The following JAKMIP1 variants were observed in gnomAD, a reference collection of about 807,000 sequenced individuals.
The protein encoded by JAKMIP1 is janus kinase and microtubule-interacting protein 1.
A neutral mutation model predicts 113.0 loss-of-function variants in JAKMIP1; 33 were observed. That is an observed-to-expected ratio of 0.29 (90% CI 0.22 to 0.39). The LOEUF (loss-of-function observed/expected upper bound fraction) is 0.39. Ranked by LOEUF, JAKMIP1 falls within the 10% of genes least tolerant of loss-of-function variation. The pLI is 1.00. For missense variants in JAKMIP1, 813 were observed against 1,080.5 expected, an observed-to-expected ratio of 0.75 and a Z score of 3.47; for synonymous variants, 480 against 459.9, an observed-to-expected ratio of 1.04 and a Z score of -0.56.
Position 6,078,928 on chromosome 4 carries a change from C to A in JAKMIP1, c.1302+11G>T, listed in dbSNP as rs142678738. 1 of 1,613,988 alleles carries A rather than the reference C, an allele frequency of 6.2e-7. No homozygotes were observed. Among genetic ancestry groups the A allele is most frequent in the Non-Finnish European group, 8.5e-7 (1 of 1,179,976 alleles). ...CGGCAAGGTAGGGCAGGTGCACCATCGCAGGCTCACCTTGGGCGGTTTCAG... is the reference window on the plus strand; with the variant it reads ...CGGCAAGGTAGGGCAGGTGCACCATAGCAGGCTCACCTTGGGCGGTTTCAG... On this transcript the variant is annotated intron_variant, in intron 8 of 20. Coordinates refer to ENST00000409021, the MANE Select transcript of JAKMIP1 (RefSeq NM_001099433.2).
intron 2 of JAKMIP1, among the ~76,000 whole-genome samples, chr4:6,111,433 C>G (rs1256521947): frequency 6.6e-6 from 1 of 152,196 alleles, no homozygotes; most frequent in Non-Finnish European, 1.5e-5. Context: ...TCAAGCCCAC[C>G]CAAGTCAGAA....
rs1447405996 is a variant in JAKMIP1 at position 6,139,163 on chromosome 4, C to T, written c.-147-26166G>A. Among the ~76,000 whole-genome samples the T allele has an allele frequency of 1.3e-5, 2 of 152,130 alleles. No individual in the cohort carries two copies. Among genetic ancestry groups the T allele is most frequent in the African/African-American group, 4.8e-5 (2 of 41,388 alleles). On this transcript the variant is annotated intron_variant, in intron 1 of 20. Coordinates refer to ENST00000409021, the MANE Select transcript of JAKMIP1 (RefSeq NM_001099433.2). The surrounding 1 kb of genome is among the most constrained non-coding windows in gnomAD (Gnocchi z 5.2). The stretch of plus-strand genomic sequence containing the variant: ...TCTTATGCCTGAGCCCCACTTTCCC[C>T]CTGAATTTTAACCTGCTTTGGGAGG...
Position 6,065,858 on chromosome 4 carries a change from G to A in JAKMIP1, c.1303-850C>T, listed in dbSNP as rs1717991122. ...AGCTCCTTCTATGGGCCAGACACGGGGCAGGCCTGGGGAATACAATAGGAT... is the reference window on the plus strand; with the variant it reads ...AGCTCCTTCTATGGGCCAGACACGGAGCAGGCCTGGGGAATACAATAGGAT... On this transcript the variant is annotated intron_variant, in intron 8 of 20. Coordinates refer to ENST00000409021, the MANE Select transcript of JAKMIP1 (RefSeq NM_001099433.2). This position sits in a 1 kb window ranked among gnomAD's most constrained non-coding sequence, Gnocchi z 5.1. Among the ~76,000 whole-genome samples, 1 of 152,166 alleles carries A rather than the reference G, an allele frequency of 6.6e-6. No individual in the cohort carries two copies. The highest frequency in any genetic ancestry group is 1.5e-5 in the Non-Finnish European group (1 of 68,042).
chr4:6,066,156 A>C (rs1291838348), intron 8 of JAKMIP1, among the ~76,000 whole-genome samples: 4 of 151,986 alleles, frequency 2.6e-5, no homozygotes, highest in Admixed American at 6.6e-5. Flanking sequence ...AGCTCCCCCA[A>C]CCCACAGAGA....
chr4:6,066,227 T>C (rs1718059531), intron 8 of JAKMIP1, among the ~76,000 whole-genome samples: 1 of 151,900 alleles, frequency 6.6e-6, no homozygotes, highest in South Asian at 2.1e-4. Context: ...TACCCAGATA[T>C]CTGTAAATGT....
chr4:6,029,667 A>G lies in JAKMIP1; in HGVS notation c.2445+49T>C, dbSNP rs772096292. 1.5e-5 allele frequency: 19 copies of G among 1,256,158 alleles called. No individual in the cohort carries two copies. The South Asian group carries it at 2.4e-4, about 16-fold the overall frequency. The allele number at this position is 1,256,158 out of a possible 1,614,324, so 77.8% of individuals were successfully genotyped here. A position where few individuals can be genotyped will look rare whatever the true frequency, so the allele number is the denominator to read the frequency against. ...TATGAAATAAAATGATTCCGCACTA[A>G]CATTTCATGGAAAGAAACCTGGGGA... On this transcript the variant is annotated intron_variant, in intron 20 of 20. Coordinates refer to ENST00000409021, the MANE Select transcript of JAKMIP1 (RefSeq NM_001099433.2).
chr4:6,187,096 C>T lies in JAKMIP1; in HGVS notation c.-148+13157G>A, dbSNP rs1726729368. On this transcript the variant is annotated intron_variant, in intron 1 of 20. Coordinates refer to ENST00000409021, the MANE Select transcript of JAKMIP1 (RefSeq NM_001099433.2). This position sits in a 1 kb window ranked among gnomAD's most constrained non-coding sequence, Gnocchi z 4.2. The stretch of plus-strand genomic sequence containing the variant: ...CTGCCCACCTCAGCCTCTCAAAATG[C>T]TAGGATTTCAGGCATGAGCCACCAT... Among the ~76,000 whole-genome samples the T allele has an allele frequency of 6.6e-6, 1 of 152,106 alleles. No homozygotes were observed. The highest frequency in any genetic ancestry group is 2.1e-4 in the South Asian group (1 of 4,814).
At chr4:6,145,051 T>G (rs889868730) in intron 1 of JAKMIP1, among the ~76,000 whole-genome samples, 2 of 152,216 alleles carry the variant, frequency 1.3e-5, no homozygotes, top group Admixed American at 1.3e-4. Context: ...AAGCTTAGTA[T>G]ACAAAAATTA....
chr4:6,029,686 C>T lies in JAKMIP1; in HGVS notation c.2445+30G>A, dbSNP rs1020258240. 6.7e-6 allele frequency: 10 copies of T among 1,495,072 alleles called. No homozygotes were observed. The African/African-American group carries it at 1.4e-4, about 21-fold the overall frequency. 92.6% of individuals were successfully genotyped at this position (1,495,072 alleles called of 1,614,324 possible). The stretch of plus-strand genomic sequence containing the variant: ...GCACTAACATTTCATGGAAAGAAAC[C>T]TGGGGACAGTCTGAGCTGCAGTCAC... On this transcript the variant is annotated intron_variant, in intron 20 of 20. Transcript: ENST00000409021.
rs1020785675 is a variant in JAKMIP1 at position 6,106,316 on chromosome 4, T to C, written c.130-349A>G. On this transcript the variant is annotated intron_variant, in intron 2 of 20. Transcript: ENST00000409021. The surrounding 1 kb of genome is among the most constrained non-coding windows in gnomAD (Gnocchi z 5.9). ...GAAATCATCACCAAGACCCAAAAGA[T>C]TGTAAACCAGAAATATATTTCCAGG... Among the ~76,000 whole-genome samples the C allele has an allele frequency of 2.0e-5, 3 of 152,062 alleles. No homozygotes were observed. The highest frequency in any genetic ancestry group is 4.8e-5 in the African/African-American group (2 of 41,406).
chr4:6,030,781 G>A (rs749166705), intron 19 of JAKMIP1, among the ~76,000 whole-genome samples: 21 of 152,222 alleles, frequency 1.4e-4, no homozygotes, highest in Non-Finnish European at 2.6e-4. Flanking sequence ...CTCACATTCC[G>A]TAGGGCAGTG....
In JAKMIP1 at chr4:6,199,041, C is replaced by T. The variant is rs16838428; in HGVS notation, c.-148+1212G>A. ...AGATGGTAACAGCATCCTGGGACAG[C>T]GCCACGTTCCAGGAAAGCTCAGGAG... On this transcript the variant is annotated intron_variant, in intron 1 of 20. Coordinates refer to ENST00000409021, the MANE Select transcript of JAKMIP1 (RefSeq NM_001099433.2). The surrounding 1 kb of genome is among the most constrained non-coding windows in gnomAD (Gnocchi z 5.6). 0.14 allele frequency among the ~76,000 whole-genome samples: 20,621 copies of T among 152,300 alleles called. 1,706 individuals carry two copies. The highest frequency in any genetic ancestry group is 0.34 in the East Asian group (1,734 of 5,168).
chr4:6,134,459 C>T (rs1038469305), intron 1 of JAKMIP1, among the ~76,000 whole-genome samples: 1 of 151,520 alleles, frequency 6.6e-6, no homozygotes, highest in African/African-American at 2.5e-5. Flanking sequence ...TCTTTTCCAC[C>T]TGTTCATCTT....
chr4:6,080,205 C>T lies in JAKMIP1; in HGVS notation c.1209G>A (p.Leu403=), dbSNP rs1720303671. Residue 403 remains leucine, a synonymous_variant, in exon 7 of 21, where the codon CTG becomes CTA. Coordinates refer to ENST00000409021, the MANE Select transcript of JAKMIP1 (RefSeq NM_001099433.2). This position sits in a 1 kb window ranked among gnomAD's most constrained non-coding sequence, Gnocchi z 6.0. ...QEIEFLRLQV[L]EQQHVIDDLS... ...GGTCGTCAATGACGTGCTGCTGCTCCAGCACCTGCAGCCTCAGGAACTCGA... is the reference window on the plus strand; with the variant it reads ...GGTCGTCAATGACGTGCTGCTGCTCTAGCACCTGCAGCCTCAGGAACTCGA... 6.2e-7 allele frequency: 1 copy of T among 1,613,628 alleles called. No homozygotes were observed. Among genetic ancestry groups the T allele is most frequent in the South Asian group, 1.1e-5 (1 of 90,932 alleles).
At position 6,141,890 on chromosome 4, in the gene JAKMIP1, A is replaced by T. The variant is rs1383989064; in HGVS notation, c.-147-28893T>A. 6.6e-6 allele frequency among the ~76,000 whole-genome samples: 1 copy of T among 152,302 alleles called. No individual in the cohort carries two copies. The highest frequency in any genetic ancestry group is 1.5e-5 in the Non-Finnish European group (1 of 68,026). ...CATGGAGAGGCGCTTACGCTTCCTA[A>T]GGGCGTTAACCGTCTCTCTCTCATT... On this transcript the variant is annotated intron_variant, in intron 1 of 20. Coordinates refer to ENST00000409021, the MANE Select transcript of JAKMIP1 (RefSeq NM_001099433.2). The surrounding 1 kb of genome is among the most constrained non-coding windows in gnomAD (Gnocchi z 9.4).
Position 6,050,599 on chromosome 4 carries a change from G to T in JAKMIP1, c.1887C>A (p.Phe629Leu). 6.4e-7 allele frequency: 1 copy of T among 1,573,236 alleles called. No homozygotes were observed. The highest frequency in any genetic ancestry group is 1.9e-5 in the Admixed American group (1 of 53,826). Residue 629 changes from phenylalanine to leucine, a missense_variant, in exon 14 of 21, where the codon TTC (phenylalanine) becomes TTA (leucine). Around this residue, in one of 2 missense-constraint regions of JAKMIP1, gnomAD observed 273 missense variants for 426.6 expected, o/e 0.64. Coordinates refer to ENST00000409021, the MANE Select transcript of JAKMIP1 (RefSeq NM_001099433.2). The surrounding 1 kb of genome is among the most constrained non-coding windows in gnomAD (Gnocchi z 7.4). ...CTACCTTAACTCCTTCCTGGTGACAGAACAGCTGGAGAGCGCTGCTGTGGT... is the reference window on the plus strand; with the variant it reads ...CTACCTTAACTCCTTCCTGGTGACATAACAGCTGGAGAGCGCTGCTGTGGT... The part of the protein sequence containing the change: ...PENHSSALQL[F>L]CHQEGVKDVN...
chr4:6,162,860 C>T lies in JAKMIP1; in HGVS notation c.-148+37393G>A, dbSNP rs997093351. ...CTCTTGAATCCAAAGCCACTCACTG[C>T]CACTCCCTCCCATCACCAAAGAAAG... is the stretch of plus-strand genomic sequence containing the variant. On this transcript the variant is annotated intron_variant, in intron 1 of 20. Transcript: ENST00000409021. The surrounding 1 kb of genome is among the most constrained non-coding windows in gnomAD (Gnocchi z 5.6). Among the ~76,000 whole-genome samples the T allele has an allele frequency of 2.6e-5, 4 of 152,144 alleles. No individual in the cohort carries two copies. The highest frequency in any genetic ancestry group is 4.4e-5 in the Non-Finnish European group (3 of 68,028).
chr4:6,184,650 T>G lies in JAKMIP1; in HGVS notation c.-148+15603A>C, dbSNP rs1726434934. On this transcript the variant is annotated intron_variant, in intron 1 of 20. Transcript: ENST00000409021. This position sits in a 1 kb window ranked among gnomAD's most constrained non-coding sequence, Gnocchi z 4.5. ...TGTAGATTCAGCAAGAGAGCAGGGG[T>G]GATTGTGCCTATCGAAGGGAAGCAA... is the stretch of plus-strand genomic sequence containing the variant. 6.6e-6 allele frequency among the ~76,000 whole-genome samples: 1 copy of G among 152,140 alleles called. No homozygotes were observed. Among genetic ancestry groups the G allele is most frequent in the Non-Finnish European group, 1.5e-5 (1 of 68,030 alleles).
intron 8 of JAKMIP1, among the ~76,000 whole-genome samples, chr4:6,075,497 TGA>T (rs1341998452): frequency 2.6e-5 from 4 of 152,014 alleles, no homozygotes; most frequent in African/African-American, 9.7e-5. Context: ...CACTGAATCT[TGA>T]GAAAAAGAAA....
Sources: allele counts gnomAD v4.1 joint callset (sites outside exome capture counted in the v4.1 genomes callset), GRCh38; gene constraint gnomAD v4.1.1; regional missense constraint gnomAD v4.1.1; non-coding constraint Gnocchi (gnomAD v3.1); transcripts MANE v1.5; gene names NCBI Gene and HGNC (gene_info 2026-07-23, HGNC 2026-07-21).